TMEM132C: variants seen among roughly 807,000 people sequenced by gnomAD.
TMEM132C encodes the protein protein phosphatase 1, regulatory subunit 152.
TMEM132C carries 29 observed loss-of-function variants against 61.4 expected under a neutral mutation model. The ratio of observed to expected loss-of-function variants is 0.47; its 90% CI spans 0.35 to 0.64. The LOEUF (loss-of-function observed/expected upper bound fraction) is 0.64, where lower values mean the gene tolerates loss of function less well. Among genes scored for constraint, TMEM132C ranks in the 30% least tolerant of loss-of-function variants. The pLI is 0.00. For synonymous variants in TMEM132C, 656 were observed against 633.1 expected (o/e 1.04, Z -0.54); for missense variants, 1,408 against 1,476.9 (o/e 0.95, Z 0.76).
At chr12:128,690,179 G>A (rs749117634) in intron 5 of TMEM132C, among the ~76,000 whole-genome samples, 1 of 152,168 alleles carries the variant, frequency 6.6e-6, no homozygotes. Context: ...TGGCTACCAC[G>A]CATTCTGTCC....
chr12:128,348,687 G>C (rs1372453481), intron 1 of TMEM132C, among the ~76,000 whole-genome samples: 1 of 152,212 alleles, frequency 6.6e-6, no homozygotes, highest in Non-Finnish European at 1.5e-5. Context: ...AAACTGGAAG[G>C]TTTCCAGCCA....
intron 2 of TMEM132C, among the ~76,000 whole-genome samples, chr12:128,507,420 T>C (rs1295054341): frequency 1.7e-5 from 2 of 116,674 alleles, no homozygotes; most frequent in Non-Finnish European, 3.7e-5. Flanking sequence ...TTTTTTTTTT[T>C]TAAATAAGAC....
At chr12:128,539,383 G>A (rs986988197) in intron 2 of TMEM132C, among the ~76,000 whole-genome samples, 12 of 152,174 alleles carry the variant, frequency 7.9e-5, no homozygotes, top group African/African-American at 1.7e-4. Flanking sequence ...TTGAGAGGCC[G>A]AGGTGGGCGG....
At chr12:128,499,315 TGA>T (rs1402543302) in intron 2 of TMEM132C, among the ~76,000 whole-genome samples, 1 of 152,206 alleles carries the variant, frequency 6.6e-6, no homozygotes, top group African/African-American at 2.4e-5. Flanking sequence ...GAGGTACATG[TGA>T]TGTTTTGATG....
chr12:128,571,222 A>T (rs1190051123), intron 3 of TMEM132C, among the ~76,000 whole-genome samples: 2 of 152,202 alleles, frequency 1.3e-5, no homozygotes, highest in Non-Finnish European at 1.5e-5. Flanking sequence ...TCACCGAATT[A>T]ACCAACCCTT....
At chr12:128,698,409 T>A (rs375542513) in intron 8 of TMEM132C, among the ~76,000 whole-genome samples, 1 of 152,198 alleles carries the variant, frequency 6.6e-6, no homozygotes, top group East Asian at 1.9e-4. Context: ...ACAATACTTA[T>A]GAGAAGAGTA....
intron 3 of TMEM132C, among the ~76,000 whole-genome samples, chr12:128,598,367 C>T (rs7133038): frequency 1.3e-5 from 2 of 152,026 alleles, no homozygotes; most frequent in Non-Finnish European, 2.9e-5. Context: ...ACCTGGGAGG[C>T]GGAGATTGCA....
intron 1 of TMEM132C, among the ~76,000 whole-genome samples, chr12:128,393,161 G>A (rs1341881317): frequency 6.6e-6 from 1 of 152,168 alleles, no homozygotes; most frequent in Non-Finnish European, 1.5e-5. Flanking sequence ...TCTAGGAAAT[G>A]ACGATCCACA....
At chr12:128,419,242 C>A (rs1360564012) in intron 2 of TMEM132C, among the ~76,000 whole-genome samples, 1 of 152,224 alleles carries the variant, frequency 6.6e-6, no homozygotes, top group Non-Finnish European at 1.5e-5. Flanking sequence ...TATTTGGGCA[C>A]CGTCTGCCTT....
chr12:128,703,881 T>G (rs1235544733), intron 8 of TMEM132C, among the ~76,000 whole-genome samples: 3 of 152,244 alleles, frequency 2.0e-5, no homozygotes, highest in Non-Finnish European at 4.4e-5. Context: ...CTGTCTGTTT[T>G]ATGATTAGGA....
At chr12:128,298,765 T>C (rs1871505925) in intron 1 of TMEM132C, among the ~76,000 whole-genome samples, 1 of 152,238 alleles carries the variant, frequency 6.6e-6, no homozygotes, top group South Asian at 2.1e-4. Context: ...GCTGAGGACC[T>C]CAGCTGCCTT....
At chr12:128,620,815 A>C (rs1953957043) in intron 4 of TMEM132C, among the ~76,000 whole-genome samples, 1 of 151,848 alleles carries the variant, frequency 6.6e-6, no homozygotes, top group Admixed American at 6.6e-5. Context: ...TCTTACACAG[A>C]GCTTTCAAAA....
At chr12:128,560,883 G>C (rs1311244809) in intron 3 of TMEM132C, among the ~76,000 whole-genome samples, 4 of 152,212 alleles carry the variant, frequency 2.6e-5, no homozygotes, top group African/African-American at 9.6e-5. Flanking sequence ...TGAATGACTA[G>C]ATAAATGAAT....
At position 128,267,466 on chromosome 12, in the gene TMEM132C, C is replaced by T; in HGVS notation, c.64C>T (p.Leu22=). The change falls in exon 1 of 9, where the codon CTG becomes TTG. Residue 22 remains leucine (L), a synonymous_variant. Transcript: ENST00000435159. ...APLCGALSLL[L]GALLGKVIEG... Reference sequence around the variant, plus strand: ...GCTGTGCGGGGCGCTGAGCCTGCTGCTGGGCGCGCTGCTGGGCAAAGGTAA... The same window carrying T: ...GCTGTGCGGGGCGCTGAGCCTGCTGTTGGGCGCGCTGCTGGGCAAAGGTAA... The T allele has an allele frequency of 7.9e-7, 1 of 1,269,778 alleles. No individual in the cohort carries two copies. The allele number at this position is 1,269,778 out of a possible 1,614,324, so 78.7% of individuals were successfully genotyped here. A position where few individuals can be genotyped will look rare whatever the true frequency, so the allele number is the denominator to read the frequency against.
intron 2 of TMEM132C, among the ~76,000 whole-genome samples, chr12:128,505,204 C>G (rs1441687954): frequency 6.6e-6 from 1 of 152,130 alleles, no homozygotes; most frequent in African/African-American, 2.4e-5. Flanking sequence ...GATGGAAATG[C>G]AGTCAGGGAA....
Position 128,669,390 on chromosome 12 carries a change from C to T in TMEM132C, c.1306-27C>T, listed in dbSNP as rs1274898742. 4 of 1,550,666 alleles carry T rather than the reference C, an allele frequency of 2.6e-6. No homozygotes were observed. In the African/African-American group the frequency reaches 5.5e-5, roughly 21 times the overall value. On this transcript the variant is annotated intron_variant, in intron 4 of 8. Coordinates refer to ENST00000435159, the MANE Select transcript of TMEM132C (RefSeq NM_001136103.3). ...CAACAGAATGGAATATCTCCCTTGA[C>T]CCAGTGTGTTTGATTCTTTTTGGCA... is the stretch of plus-strand genomic sequence containing the variant.
At chr12:128,438,683 G>A (rs1409018581) in intron 2 of TMEM132C, among the ~76,000 whole-genome samples, 1 of 152,112 alleles carries the variant, frequency 6.6e-6, no homozygotes, top group Non-Finnish European at 1.5e-5. Context: ...ACGATTTTGT[G>A]TGATCACCAT....
At chr12:128,560,446 T>G (rs1377366697) in intron 3 of TMEM132C, among the ~76,000 whole-genome samples, 1 of 152,184 alleles carries the variant, frequency 6.6e-6, no homozygotes, top group African/African-American at 2.4e-5. Context: ...CTAAGCGTGT[T>G]TCTACCCCAG....
At chr12:128,374,455 T>G (rs1683690) in intron 1 of TMEM132C, among the ~76,000 whole-genome samples, 1 of 152,072 alleles carries the variant, frequency 6.6e-6, no homozygotes, top group Non-Finnish European at 1.5e-5. Flanking sequence ...TCGGGCACAG[T>G]GAGCACTCTG....
Sources: allele counts gnomAD v4.1 joint callset (sites outside exome capture counted in the v4.1 genomes callset), GRCh38; gene constraint gnomAD v4.1.1; transcripts MANE v1.5; gene names NCBI Gene and HGNC (gene_info 2026-07-23, HGNC 2026-07-21).